The following ST6GALNAC3 variants were observed in gnomAD, a reference collection of about 807,000 sequenced individuals.
ST6GALNAC3 encodes alpha-N-acetylgalactosaminide alpha-2,6-sialyltransferase 3.
In ST6GALNAC3, 25 loss-of-function variants were observed where a neutral mutation model predicts 32.7. The ratio of observed to expected loss-of-function variants is 0.76; its 90% CI spans 0.56 to 1.07. The LOEUF (loss-of-function observed/expected upper bound fraction) is 1.07, where lower values mean the gene tolerates loss of function less well. Among genes scored for constraint, ST6GALNAC3 ranks in the 50% least tolerant of loss-of-function variants. The pLI, the probability that ST6GALNAC3 is intolerant of heterozygous loss-of-function variation, is 0.00. For synonymous variants in ST6GALNAC3, 129 were observed against 133.1 expected, an observed-to-expected ratio of 0.97 and a Z score of 0.21; for missense variants, 355 against 382.4, an observed-to-expected ratio of 0.93 and a Z score of 0.60.
At chr1:76,548,155 C>T (rs1205526211) in intron 3 of ST6GALNAC3, among the ~76,000 whole-genome samples, 2 of 152,192 alleles carry the variant, frequency 1.3e-5, no homozygotes, top group Admixed American at 6.5e-5. Context: ...CTCTGCTGGT[C>T]TTGTTTATCC....
intron 1 of ST6GALNAC3, among the ~76,000 whole-genome samples, chr1:76,308,942 A>G (rs977235422): frequency 6.6e-6 from 1 of 152,172 alleles, no homozygotes; most frequent in Non-Finnish European, 1.5e-5. Context: ...CTTAGAGTCT[A>G]TGTATTCTTC....
intron 1 of ST6GALNAC3, among the ~76,000 whole-genome samples, chr1:76,152,384 T>C (rs890573779): frequency 6.6e-6 from 1 of 152,164 alleles, no homozygotes; most frequent in African/African-American, 2.4e-5. Context: ...TCTAAACATG[T>C]CCTGCCAGGT....
At chr1:76,588,297 G>T (rs538876709) in intron 3 of ST6GALNAC3, among the ~76,000 whole-genome samples, 1 of 151,850 alleles carries the variant, frequency 6.6e-6, no homozygotes, top group Non-Finnish European at 1.5e-5. Context: ...CAAATAAAGT[G>T]TATGATCCCT....
At chr1:76,553,903 G>A (rs146925009) in intron 3 of ST6GALNAC3, among the ~76,000 whole-genome samples, 400 of 152,084 alleles carry the variant, frequency 2.6e-3, no homozygotes, top group African/African-American at 9.2e-3. Flanking sequence ...TTACACTCAC[G>A]TATTCATACA....
intron 3 of ST6GALNAC3, among the ~76,000 whole-genome samples, chr1:76,526,926 T>G (rs995254938): frequency 7.9e-5 from 12 of 152,094 alleles, no homozygotes; most frequent in African/African-American, 2.9e-4. Context: ...AATTCCAGTC[T>G]TAATCTTAAT....
At chr1:76,466,469 A>AGGG (rs1226607165) in intron 3 of ST6GALNAC3, among the ~76,000 whole-genome samples, 1 of 152,072 alleles carries the variant, frequency 6.6e-6, no homozygotes, top group South Asian at 2.1e-4. Context: ...ACATCTGTCA[A>AGGG]ATTAGAAAGC....
chr1:76,169,294 G>A (rs913971307), intron 1 of ST6GALNAC3, among the ~76,000 whole-genome samples: 1 of 152,160 alleles, frequency 6.6e-6, no homozygotes, highest in African/African-American at 2.4e-5. Context: ...CTTTTGGCTT[G>A]TAGAGTTTCT....
chr1:76,435,754 A>C (rs1415380780), intron 3 of ST6GALNAC3, among the ~76,000 whole-genome samples: 1 of 152,186 alleles, frequency 6.6e-6, no homozygotes, highest in Non-Finnish European at 1.5e-5. Flanking sequence ...TGATGTGTTC[A>C]TGGTTGCATT....
chr1:76,092,588 A>G (rs1234086470), intron 1 of ST6GALNAC3, among the ~76,000 whole-genome samples: 2 of 152,182 alleles, frequency 1.3e-5, no homozygotes, highest in African/African-American at 4.8e-5. Flanking sequence ...CAGTGGCTAG[A>G]TGCAGGGATG....
At chr1:76,310,637 C>T (rs566178998) in intron 1 of ST6GALNAC3, among the ~76,000 whole-genome samples, 3 of 152,208 alleles carry the variant, frequency 2.0e-5, no homozygotes, top group Admixed American at 6.5e-5. Context: ...TTCTTGACTT[C>T]CCTAGGAGAG....
At chr1:76,197,384 G>C (rs1413627331) in intron 1 of ST6GALNAC3, among the ~76,000 whole-genome samples, 1 of 152,014 alleles carries the variant, frequency 6.6e-6, no homozygotes, top group Non-Finnish European at 1.5e-5. Context: ...TGTCAGTCTG[G>C]GAGACACTAA....
At chr1:76,322,840 C>T (rs1646995121) in intron 2 of ST6GALNAC3, among the ~76,000 whole-genome samples, 2 of 141,484 alleles carry the variant, frequency 1.4e-5, no homozygotes, top group African/African-American at 5.3e-5. Flanking sequence ...TAAATGGATT[C>T]TTTATTTATT....
intron 2 of ST6GALNAC3, among the ~76,000 whole-genome samples, chr1:76,360,037 G>C (rs1183124347): frequency 6.6e-6 from 1 of 151,242 alleles, no homozygotes; most frequent in Admixed American, 6.6e-5. Context: ...GAAAGAAATT[G>C]GTAACTAATA....
chr1:76,275,108 T>G (rs774288578), intron 1 of ST6GALNAC3, among the ~76,000 whole-genome samples: 1 of 152,222 alleles, frequency 6.6e-6, no homozygotes, highest in African/African-American at 2.4e-5. Context: ...TTGATAGATG[T>G]TCCTCTAGAA....
Position 76,325,362 on chromosome 1 carries a change from A to C in ST6GALNAC3, c.213+11363A>C, listed in dbSNP as rs183552628. ...AGTACAAGTTCTTCAAAGATTCCCC[A>C]GGAACAGCTGTGCAAGTCAGTGTGG... On this transcript the variant is annotated intron_variant, in intron 2 of 4. Transcript: ENST00000328299. Among the ~76,000 whole-genome samples, 9 of 152,304 alleles carry C rather than the reference A, an allele frequency of 5.9e-5. No individual in the cohort carries two copies. The East Asian group carries it at 1.7e-3, about 29-fold the overall frequency.
At chr1:76,218,691 A>T (rs985592116) in intron 1 of ST6GALNAC3, among the ~76,000 whole-genome samples, 1 of 152,142 alleles carries the variant, frequency 6.6e-6, no homozygotes, top group African/African-American at 2.4e-5. Flanking sequence ...TCCTGGATAC[A>T]TCCATTCCTG....
chr1:76,546,589 G>A (rs1176650476), intron 3 of ST6GALNAC3, among the ~76,000 whole-genome samples: 1 of 152,170 alleles, frequency 6.6e-6, no homozygotes. Flanking sequence ...ATAACTTTGT[G>A]AGCATTTGAA....
chr1:76,218,877 T>C (rs1655618409), intron 1 of ST6GALNAC3, among the ~76,000 whole-genome samples: 1 of 152,234 alleles, frequency 6.6e-6, no homozygotes, highest in Admixed American at 6.5e-5. Context: ...TAGACAATAA[T>C]TACTTGTGCT....
intron 1 of ST6GALNAC3, among the ~76,000 whole-genome samples, chr1:76,118,221 T>A (rs772404467): frequency 6.6e-6 from 1 of 152,190 alleles, no homozygotes; most frequent in Admixed American, 6.5e-5. Context: ...ATCCCCCTTA[T>A]GAATGAGAAC....
Sources: gnomAD v4.1 joint callset for allele counts (sites outside exome capture counted in the v4.1 genomes callset) on GRCh38, gnomAD v4.1.1 for gene constraint, MANE v1.5 for transcripts, NCBI Gene and HGNC (gene_info 2026-07-23, HGNC 2026-07-21) for gene names.